IL10RB: variants seen among roughly 807,000 people sequenced by gnomAD.
IL10RB encodes interleukin-10 receptor subunit beta.
A neutral mutation model predicts 38.7 loss-of-function variants in IL10RB; 30 were observed. The observed-to-expected ratio is 0.78, with a 90% confidence interval of 0.58 to 1.05. IL10RB has a LOEUF of 1.05. IL10RB is among the 50% of genes least tolerant of loss of function. The pLI is 0.00. For missense variants in IL10RB, 328 were observed against 397.1 expected (o/e 0.83, Z 1.48); for synonymous variants, 142 against 145.9 (o/e 0.97, Z 0.19).
At chr21:33,285,717 A>G (rs1384768264) in intron 5 of IL10RB, among the ~76,000 whole-genome samples, 1 of 152,196 alleles carries the variant, frequency 6.6e-6, no homozygotes, top group African/African-American at 2.4e-5. Context: ...CCCTGTTTGA[A>G]TGAGTCTCCG....
At chr21:33,278,860 C>T (rs771677870) in intron 3 of IL10RB, among the ~76,000 whole-genome samples, 1 of 152,148 alleles carries the variant, frequency 6.6e-6, no homozygotes. Context: ...CATTAACAGC[C>T]CTGAAAAAGT....
chr21:33,279,977 T>G, intron 4 of IL10RB, 59 bp downstream of exon 4: 1 of 1,500,802 alleles, frequency 6.7e-7, no homozygotes. Context: ...TGCAGAATCT[T>G]GCAAGGTGGC....
chr21:33,291,921 A>C lies in IL10RB; in HGVS notation c.804+3660A>C, dbSNP rs542477646. ...TCTTTCAGGCCCACGCGCAGCCTCC[A>C]TCCCTGCCACCACGGCTGCTGTGTT... On this transcript the variant is annotated intron_variant, in intron 6 of 6. Coordinates refer to ENST00000290200, the MANE Select transcript of IL10RB (RefSeq NM_000628.5). Among the ~76,000 whole-genome samples, 7 of 152,222 alleles carry C rather than the reference A, an allele frequency of 4.6e-5. No individual in the cohort carries two copies. The East Asian group carries it at 1.2e-3, about 25-fold the overall frequency.
At position 33,273,216 on chromosome 21, in the gene IL10RB, C is replaced by A. The variant is rs548076408; in HGVS notation, c.174-3380C>A. 6.6e-5 allele frequency among the ~76,000 whole-genome samples: 10 copies of A among 152,194 alleles called. No individual in the cohort carries two copies. In the East Asian group the frequency reaches 1.9e-3, roughly 29 times the overall value. On this transcript the variant is annotated intron_variant, in intron 2 of 6. Coordinates refer to ENST00000290200, the MANE Select transcript of IL10RB (RefSeq NM_000628.5). ...TACTGTACTGAGTGCTGTAGGCAAT[C>A]GTAACACAATGGTATTTGTATACAG...
Position 33,283,143 on chromosome 21 carries a change from C to G in IL10RB, c.548C>G (p.Pro183Arg), listed in dbSNP as rs141328537. 4.7e-5 allele frequency: 76 copies of G among 1,613,758 alleles called. No individual in the cohort carries two copies. The highest frequency in any genetic ancestry group is 5.8e-5 in the Non-Finnish European group (68 of 1,179,674). The stretch of plus-strand genomic sequence containing the variant: ...TTTGAGGTCCTCAGAAACCTGGAGC[C>G]ATGGACAACTTATTGTGTTCAAGTT... Reference protein sequence around the residue: ...YDFEVLRNLEPWTTYCVQVRG... With the variant: ...YDFEVLRNLERWTTYCVQVRG... The change falls in exon 5 of 7, where the codon CCA (proline) becomes CGA (arginine). Residue 183 changes from proline (P) to arginine (R), a missense_variant. Coordinates refer to ENST00000290200, the MANE Select transcript of IL10RB (RefSeq NM_000628.5).
Position 33,296,418 on chromosome 21 carries a change from C to A in IL10RB, c.*61C>A. 6.6e-7 allele frequency: 1 copy of A among 1,523,984 alleles called. No individual in the cohort carries two copies. The highest frequency in any genetic ancestry group is 9.0e-7 in the Non-Finnish European group (1 of 1,109,366). The allele number at this position is 1,523,984 out of a possible 1,614,324, so 94.4% of individuals were successfully genotyped here. On this transcript the variant is annotated 3_prime_UTR_variant, in exon 7 of 7. Transcript: ENST00000290200. ...GACGTACTCCATCTCACATCTGCCT[C>A]AGTGAGGGATCAGGGCAGCAAACAA...
intron 5 of IL10RB, 97 bp downstream of exon 5, chr21:33,283,338 C>G (rs45475192): frequency 2.2e-4 from 275 of 1,275,200 alleles, no homozygotes; most frequent in Admixed American, 5.3e-4. Context: ...CAGCTCAGTT[C>G]AGAAATCTAT....
intron 5 of IL10RB, among the ~76,000 whole-genome samples, chr21:33,285,508 G>A (rs1989356773): frequency 6.6e-6 from 1 of 152,158 alleles, no homozygotes; most frequent in Admixed American, 6.5e-5. Flanking sequence ...CCTATGCAGA[G>A]CAGGGTCCTC....
downstream of IL10RB, among the ~76,000 whole-genome samples, chr21:33,298,558 G>A (rs1447044886): frequency 1.3e-5 from 2 of 152,192 alleles, no homozygotes; most frequent in African/African-American, 2.4e-5. Flanking sequence ...AGGCTGCAAT[G>A]AGCCAAGATC....
At position 33,283,187 on chromosome 21, in the gene IL10RB, C is replaced by A. The variant is rs763342351; in HGVS notation, c.592C>A (p.Arg198=). Residue 198 remains arginine (R), a synonymous_variant, in exon 5 of 7, where the codon CGG becomes AGG. Coordinates refer to ENST00000290200, the MANE Select transcript of IL10RB (RefSeq NM_000628.5). The stretch of plus-strand genomic sequence containing the variant: ...TCAAGTTCGAGGGTTTCTTCCTGAT[C>A]GGAACAAAGCTGGGGAATGGAGTGA... ...CVQVRGFLPD[R]NKAGEWSEPV... 13 of 1,614,054 alleles carry A rather than the reference C, an allele frequency of 8.1e-6. No homozygotes were observed. Among genetic ancestry groups the A allele is most frequent in the South Asian group, 3.3e-5 (3 of 91,076 alleles).
At chr21:33,266,802 T>G (rs910352434) in intron 1 of IL10RB, among the ~76,000 whole-genome samples, 1 of 152,170 alleles carries the variant, frequency 6.6e-6, no homozygotes, top group African/African-American at 2.4e-5. Context: ...TGCAGCTCTC[T>G]GCTGGCGGGC....
chr21:33,306,576 T>G (rs553042989), intron 1 of IL10RB, among the ~76,000 whole-genome samples: 11 of 152,150 alleles, frequency 7.2e-5, no homozygotes, highest in African/African-American at 2.6e-4. Flanking sequence ...GGGGTGGGGT[T>G]GTTTGGAGTG....
intron 2 of IL10RB, among the ~76,000 whole-genome samples, chr21:33,271,638 G>C (rs1304786481): frequency 6.6e-6 from 1 of 151,294 alleles, no homozygotes; most frequent in Non-Finnish European, 1.5e-5. Flanking sequence ...TGAGGCAGGA[G>C]AATCACTTGA....
chr21:33,269,239 G>A (rs773467732), intron 2 of IL10RB, among the ~76,000 whole-genome samples: 8 of 152,200 alleles, frequency 5.3e-5, no homozygotes, highest in Non-Finnish European at 8.8e-5. Context: ...GTTTCCCTAC[G>A]CCTGGTGAAG....
chr21:33,288,485 T>G, intron 6 of IL10RB, among the ~76,000 whole-genome samples: 1 of 150,862 alleles, frequency 6.6e-6, no homozygotes, highest in Non-Finnish European at 1.5e-5. Context: ...GGGCGCGGGG[T>G]TGTCCAGTAT....
At chr21:33,278,981 T>C (rs915163929) in intron 3 of IL10RB, among the ~76,000 whole-genome samples, 3 of 152,232 alleles carry the variant, frequency 2.0e-5, no homozygotes, top group African/African-American at 7.2e-5. Flanking sequence ...ACAGCTGCAT[T>C]CTGAGCACTG....
rs561588502 is a variant in IL10RB, at chr21:33,276,102, A to G, written c.174-494A>G. ...GCAGACCTTCGATTTGTAAAATGCA[A>G]TATCTGTGAAGTACAGTAAAGCAAA... On this transcript the variant is annotated intron_variant, in intron 2 of 6. Coordinates refer to ENST00000290200, the MANE Select transcript of IL10RB (RefSeq NM_000628.5). 2.6e-5 allele frequency among the ~76,000 whole-genome samples: 4 copies of G among 152,374 alleles called. No homozygotes were observed. The East Asian group carries it at 5.8e-4, about 22-fold the overall frequency.
chr21:33,266,414 C>A lies in IL10RB; in HGVS notation c.-52C>A. Reference sequence around the variant, plus strand: ...CGCCGCGGACAAGCTCTCCCGGGCGCGGGCGGGGGTCGTGTGCTTGGAGGA... The same window carrying A: ...CGCCGCGGACAAGCTCTCCCGGGCGAGGGCGGGGGTCGTGTGCTTGGAGGA... On this transcript the variant is annotated 5_prime_UTR_variant, in exon 1 of 7. Transcript: ENST00000290200. The A allele has an allele frequency of 6.5e-7, 1 of 1,527,964 alleles. No homozygotes were observed. 94.7% of individuals were successfully genotyped at this position (1,527,964 alleles called of 1,614,324 possible). A position where few individuals can be genotyped will look rare whatever the true frequency, so the allele number is the denominator to read the frequency against.
At chr21:33,292,127 C>T (rs964794718) in intron 6 of IL10RB, among the ~76,000 whole-genome samples, 1 of 152,320 alleles carries the variant, frequency 6.6e-6, no homozygotes, top group South Asian at 2.1e-4. Context: ...TCTTCCCAAA[C>T]GTCCTTGTCC....
Sources: allele counts gnomAD v4.1 joint callset (sites outside exome capture counted in the v4.1 genomes callset), GRCh38; gene constraint gnomAD v4.1.1; transcripts MANE v1.5; gene names NCBI Gene and HGNC (gene_info 2026-07-23, HGNC 2026-07-21).